The following AIRE variants were observed in gnomAD, a reference collection of about 807,000 sequenced individuals.
AIRE encodes autoimmune polyendocrinopathy candidiasis ectodermal dystrophy protein.
Under a neutral mutation model 62.1 loss-of-function variants are expected in AIRE, and 52 were observed. The observed-to-expected ratio is 0.84, with a 90% confidence interval of 0.67 to 1.06. The LOEUF is 1.06. Ranked by LOEUF, AIRE falls within the 50% of genes least tolerant of loss-of-function variation. The probability of loss-of-function intolerance (pLI) is 0.00; values close to 1 mark genes in which losing one functional copy is unlikely to be tolerated. For missense variants in AIRE, 774 were observed against 755.8 expected (o/e 1.02, Z -0.28); for synonymous variants, 342 against 321.6 (o/e 1.06, Z -0.68).
At position 44,286,460 on chromosome 21, in the gene AIRE, C is replaced by T; in HGVS notation, c.133-97C>T. 7.2e-7 allele frequency: 1 copy of T among 1,391,648 alleles called. No homozygotes were observed. The highest frequency in any genetic ancestry group is 9.9e-7 in the Non-Finnish European group (1 of 1,015,190). The allele number at this position is 1,391,648 out of a possible 1,614,324, so 86.2% of individuals were successfully genotyped here. ...GTGGAGCTGTCCAGGTCGCCAGCGC[C>T]TCTGCCTGGGAGCTCCACCCTCTAG... On this transcript the variant is annotated intron_variant, in intron 1 of 13. Coordinates refer to ENST00000291582, the MANE Select transcript of AIRE (RefSeq NM_000383.4). This position sits in a 1 kb window ranked among gnomAD's most constrained non-coding sequence, Gnocchi z 6.0.
rs1368560349 is a variant in AIRE at position 44,291,118 on chromosome 21, G to A, written c.903G>A (p.Val301=). 2.5e-6 allele frequency: 4 copies of A among 1,612,626 alleles called. No homozygotes were observed. Among genetic ancestry groups the A allele is most frequent in the South Asian group, 2.2e-5 (2 of 91,088 alleles). The change falls in exon 8 of 14, where the codon GTG becomes GTA. Residue 301 remains valine, a synonymous_variant. Coordinates refer to ENST00000291582, the MANE Select transcript of AIRE (RefSeq NM_000383.4). The part of the protein sequence containing the change: ...LHQKNEDECA[V]CRDGGELICC... Reference sequence around the variant, plus strand: ...AGAAGAATGAGGACGAGTGTGCCGTGTGTCGGGACGGCGGGGAGCTCATCT... The same window carrying A: ...AGAAGAATGAGGACGAGTGTGCCGTATGTCGGGACGGCGGGGAGCTCATCT...
Position 44,286,707 on chromosome 21 carries a change from C to T in AIRE, c.283C>T (p.Pro95Ser). 1 of 1,613,000 alleles carries T rather than the reference C, an allele frequency of 6.2e-7. No homozygotes were observed. Among genetic ancestry groups the T allele is most frequent in the Non-Finnish European group, 8.5e-7 (1 of 1,179,998 alleles). Residue 95 changes from proline (P) to serine (S), a missense_variant, in exon 2 of 14, where the codon CCC becomes TCC. Pro to Ser is a moderately conservative substitution (Grantham distance 74). Around this residue, in one of 3 missense-constraint regions of AIRE, gnomAD observed 385 missense variants for 396.0 expected, o/e 0.97. Transcript: ENST00000291582. This position sits in a 1 kb window ranked among gnomAD's most constrained non-coding sequence, Gnocchi z 6.0. ...CCTGGAGCGCTATGGCCGGCTGCAG[C>T]CCATCCTGGACAGCTTCCCCAAAGG... ...YNLERYGRLQ[P>S]ILDSFPKDVD...
At position 44,286,197 on chromosome 21, in the gene AIRE, G is replaced by C; in HGVS notation, c.132+59G>C. On this transcript the variant is annotated intron_variant, in intron 1 of 13. Transcript: ENST00000291582. The surrounding 1 kb of genome is among the most constrained non-coding windows in gnomAD (Gnocchi z 6.0). ...GCCCTGTGAGCCAGGGATAGTCCCCGGGGAAGTTCCAGGAGGACCCCGCCC... is the reference window on the plus strand; with the variant it reads ...GCCCTGTGAGCCAGGGATAGTCCCCCGGGAAGTTCCAGGAGGACCCCGCCC... 2 of 1,242,928 alleles carry C rather than the reference G, an allele frequency of 1.6e-6. No homozygotes were observed. Among genetic ancestry groups the C allele is most frequent in the Non-Finnish European group, 2.1e-6 (2 of 960,370 alleles). 77.0% of individuals were successfully genotyped at this position (1,242,928 alleles called of 1,614,324 possible). A position where few individuals can be genotyped will look rare whatever the true frequency, so the allele number is the denominator to read the frequency against.
At chr21:44,291,778 G>A (rs1214879832) in intron 8 of AIRE, among the ~76,000 whole-genome samples, 3 of 152,164 alleles carry the variant, frequency 2.0e-5, no homozygotes, top group Non-Finnish European at 1.5e-5. Flanking sequence ...TGGGTGCAGT[G>A]GGGACCCACG....
At chr21:44,295,080 G>A (rs972498971) in intron 12 of AIRE, among the ~76,000 whole-genome samples, 5 of 151,376 alleles carry the variant, frequency 3.3e-5, no homozygotes, top group African/African-American at 9.8e-5. Context: ...GGCCCGAGTC[G>A]CTGCTGCAGG....
Position 44,286,220 on chromosome 21 carries a change from C to G in AIRE, c.132+82C>G, listed in dbSNP as rs2146375380. On this transcript the variant is annotated intron_variant, in intron 1 of 13. Coordinates refer to ENST00000291582, the MANE Select transcript of AIRE (RefSeq NM_000383.4). The surrounding 1 kb of genome is among the most constrained non-coding windows in gnomAD (Gnocchi z 6.0). ...CCGGGGAAGTTCCAGGAGGACCCCG[C>G]CCCTCCAGATCCCCAAGCCCCTCCA... is the stretch of plus-strand genomic sequence containing the variant. 1.5e-5 allele frequency: 21 copies of G among 1,416,182 alleles called. No homozygotes were observed. The highest frequency in any genetic ancestry group is 1.9e-5 in the Non-Finnish European group (20 of 1,039,946). The allele number at this position is 1,416,182 out of a possible 1,614,324, so 87.7% of individuals were successfully genotyped here.
chr21:44,292,161 C>T (rs1485434836), intron 8 of AIRE, 141 bp from the exon 9 acceptor site: 1 of 748,528 alleles, frequency 1.3e-6, no homozygotes, highest in African/African-American at 1.7e-5. Flanking sequence ...CTTCCTGTGT[C>T]TCTGCCCATC....
intron 12 of AIRE, 57 bp from the exon 13 acceptor site, chr21:44,296,326 G>C: frequency 2.7e-6 from 4 of 1,501,296 alleles, no homozygotes; most frequent in South Asian, 1.1e-5. Flanking sequence ...TGCGGCCTCT[G>C]TACCCCCACC....
Position 44,286,812 on chromosome 21 carries a change from AGTGGT to A in AIRE, c.307+84_307+88del. 6.3e-7 allele frequency: 1 copy of A among 1,582,442 alleles called. No individual in the cohort carries two copies. Reference sequence around the variant, plus strand: ...CTCAGCCCAGCTGGACTGGAACCGGAGTGGTGTTTGAGGAGCCCGTGGGTGATGTT... The same window carrying A: ...CTCAGCCCAGCTGGACTGGAACCGGAGTTTGAGGAGCCCGTGGGTGATGTT... On this transcript the variant is annotated intron_variant, in intron 2 of 13. Coordinates refer to ENST00000291582, the MANE Select transcript of AIRE (RefSeq NM_000383.4). This position sits in a 1 kb window ranked among gnomAD's most constrained non-coding sequence, Gnocchi z 6.0.
At position 44,286,252 on chromosome 21, in the gene AIRE, C is replaced by T. The variant is rs955690462; in HGVS notation, c.132+114C>T. 2 of 1,214,480 alleles carry T rather than the reference C, an allele frequency of 1.6e-6. No homozygotes were observed. Among genetic ancestry groups the T allele is most frequent in the African/African-American group, 3.0e-5 (2 of 65,706 alleles). 75.2% of individuals were successfully genotyped at this position (1,214,480 alleles called of 1,614,324 possible). The stretch of plus-strand genomic sequence containing the variant: ...AGATCCCCAAGCCCCTCCAGCCTTC[C>T]CCAACTCCCTCCCCACAAGGAGCCA... On this transcript the variant is annotated intron_variant, in intron 1 of 13. Transcript: ENST00000291582. The surrounding 1 kb of genome is among the most constrained non-coding windows in gnomAD (Gnocchi z 6.0).
chr21:44,286,465 C>A lies in AIRE; in HGVS notation c.133-92C>A. 7.0e-7 allele frequency: 1 copy of A among 1,422,002 alleles called. No homozygotes were observed. Among genetic ancestry groups the A allele is most frequent in the Non-Finnish European group, 9.6e-7 (1 of 1,041,132 alleles). 88.1% of individuals were successfully genotyped at this position (1,422,002 alleles called of 1,614,324 possible). A position where few individuals can be genotyped will look rare whatever the true frequency, so the allele number is the denominator to read the frequency against. On this transcript the variant is annotated intron_variant, in intron 1 of 13. Coordinates refer to ENST00000291582, the MANE Select transcript of AIRE (RefSeq NM_000383.4). The surrounding 1 kb of genome is among the most constrained non-coding windows in gnomAD (Gnocchi z 6.0). ...GCTGTCCAGGTCGCCAGCGCCTCTG[C>A]CTGGGAGCTCCACCCTCTAGTCATG... is the stretch of plus-strand genomic sequence containing the variant.
chr21:44,292,151 CT>C (rs888280001), intron 8 of AIRE, 150 bp from the exon 9 acceptor site: 53 of 733,964 alleles, frequency 7.2e-5, no homozygotes, highest in Non-Finnish European at 1.2e-4. Context: ...TGGGCTCTCC[CT>C]TCCTGTGTCT....
intron 12 of AIRE, among the ~76,000 whole-genome samples, chr21:44,295,992 G>T (rs975396147): frequency 6.6e-6 from 1 of 152,186 alleles, no homozygotes; most frequent in African/African-American, 2.4e-5. Flanking sequence ...CACTCTGGTC[G>T]CTCACCTATA....
At position 44,297,736 on chromosome 21, in the gene AIRE, G is replaced by A. The variant is rs761531595; in HGVS notation, c.*9G>A. On this transcript the variant is annotated 3_prime_UTR_variant, in exon 14 of 14. Coordinates refer to ENST00000291582, the MANE Select transcript of AIRE (RefSeq NM_000383.4). This position sits in a 1 kb window ranked among gnomAD's most constrained non-coding sequence, Gnocchi z 4.8. The stretch of plus-strand genomic sequence containing the variant: ...CCCCCTTCCCCTCCTGACCCCAGAT[G>A]GCCGGGACATGCAGCTCTGATGAGA... 5 of 1,607,398 alleles carry A rather than the reference G, an allele frequency of 3.1e-6. 1 individual carries two copies. The Middle Eastern group carries it at 6.6e-4, about 213-fold the overall frequency.
rs1270046795 is a variant in AIRE, at chr21:44,287,425, C to T, written c.464-92C>T. On this transcript the variant is annotated intron_variant, in intron 3 of 13. Transcript: ENST00000291582. This position sits in a 1 kb window ranked among gnomAD's most constrained non-coding sequence, Gnocchi z 4.3. The stretch of plus-strand genomic sequence containing the variant: ...AAGGGACTACCCAGCACTGGACCGC[C>T]CCCTCCACGCCCTCCCACCGCGGGC... 11 of 896,780 alleles carry T rather than the reference C, an allele frequency of 1.2e-5. No homozygotes were observed. The highest frequency in any genetic ancestry group is 3.3e-5 in the African/African-American group (2 of 60,228). 55.6% of individuals were successfully genotyped at this position (896,780 alleles called of 1,614,324 possible). A position where few individuals can be genotyped will look rare whatever the true frequency, so the allele number is the denominator to read the frequency against.
At chr21:44,295,583 C>T (rs1368960981) in intron 12 of AIRE, among the ~76,000 whole-genome samples, 1 of 152,234 alleles carries the variant, frequency 6.6e-6, no homozygotes, top group East Asian at 1.9e-4. Context: ...CGTCATTAAC[C>T]TCCTGGGTTC....
At chr21:44,293,651 C>T in intron 10 of AIRE, 138 bp from the exon 11 acceptor site, 2 of 1,403,794 alleles carry the variant, frequency 1.4e-6, no homozygotes, top group Middle Eastern at 2.5e-4. Flanking sequence ...CTGCGTGGCA[C>T]CGTGAGGCTC....
rs376315701 is a variant in AIRE at position 44,286,281 on chromosome 21, G to A, written c.132+143G>A. On this transcript the variant is annotated intron_variant, in intron 1 of 13. Transcript: ENST00000291582. The surrounding 1 kb of genome is among the most constrained non-coding windows in gnomAD (Gnocchi z 6.0). ...ACTCCCTCCCCACAAGGAGCCAGGGGCGTCCCTGATGACAAGTTAGAAGTT... is the reference window on the plus strand; with the variant it reads ...ACTCCCTCCCCACAAGGAGCCAGGGACGTCCCTGATGACAAGTTAGAAGTT... The A allele has an allele frequency of 8.3e-5, 85 of 1,018,310 alleles. No homozygotes were observed. The East Asian group carries it at 1.4e-3, about 17-fold the overall frequency. The allele number at this position is 1,018,310 out of a possible 1,614,324, so 63.1% of individuals were successfully genotyped here.
chr21:44,288,070 C>T (rs1426146130), intron 4 of AIRE, among the ~76,000 whole-genome samples: 1 of 152,126 alleles, frequency 6.6e-6, no homozygotes, highest in Non-Finnish European at 1.5e-5. Flanking sequence ...TGGGTCTGGT[C>T]ATTGGTCATG....
Sources: allele counts gnomAD v4.1 joint callset (sites outside exome capture counted in the v4.1 genomes callset), GRCh38; gene constraint gnomAD v4.1.1; regional missense constraint gnomAD v4.1.1; non-coding constraint Gnocchi (gnomAD v3.1); transcripts MANE v1.5; gene names NCBI Gene and HGNC (gene_info 2026-07-23, HGNC 2026-07-21).